RGL3: variants seen among roughly 807,000 people sequenced by gnomAD.
RGL3 encodes the protein ral guanine nucleotide dissociation stimulator-like 3.
Under a neutral mutation model 90.6 loss-of-function variants are expected in RGL3, and 85 were observed. The ratio of observed to expected loss-of-function variants is 0.94; its 90% CI spans 0.79 to 1.12. The LOEUF is 1.12. RGL3 is among the 50% of genes most tolerant of loss of function. The pLI is 0.00. For synonymous variants in RGL3, 408 were observed against 385.5 expected, an observed-to-expected ratio of 1.06 and a Z score of -0.68; for missense variants, 1,034 against 939.2, an observed-to-expected ratio of 1.10 and a Z score of -1.32.
At chr19:11,415,271 C>G (rs1968973458) in intron 5 of RGL3, among the ~76,000 whole-genome samples, 1 of 151,860 alleles carries the variant, frequency 6.6e-6, no homozygotes, top group East Asian at 1.9e-4. Context: ...GGGAGGATCA[C>G]CTGAGTCCAG....
intron 5 of RGL3, 85 bp downstream of exon 5, chr19:11,415,852 T>C (rs1460016163): frequency 6.5e-5 from 78 of 1,203,850 alleles, no homozygotes; most frequent in Non-Finnish European, 8.8e-5. Context: ...GTTTTGTAGC[T>C]CTGAGAGGGG....
chr19:11,397,749 C>G, intron 16 of RGL3, 152 bp from the exon 17 acceptor site: 1 of 790,890 alleles, frequency 1.3e-6, no homozygotes, highest in Middle Eastern at 4.0e-4. Flanking sequence ...TGGCTCATGC[C>G]TGTAATCTCA....
At position 11,394,454 on chromosome 19, in the gene RGL3, A is replaced by G. The variant is rs1968529830; in HGVS notation, c.2081T>C (p.Met694Thr). 6 of 1,614,034 alleles carry G rather than the reference A, an allele frequency of 3.7e-6. No individual in the cohort carries two copies. The highest frequency in any genetic ancestry group is 5.1e-6 in the Non-Finnish European group (6 of 1,180,002). ...CCGGGTCCCCTCTTTCCGCCGCAGC[A>G]TGAAGTCTCTGGGGGCGACTGGACT... Reference protein sequence around the residue: ...AMSPVAPRDFMLRRKEGTRNT... With the variant: ...AMSPVAPRDFTLRRKEGTRNT... Residue 694 changes from methionine to threonine, a missense_variant, in exon 19 of 19, where the codon ATG becomes ACG. Transcript: ENST00000380456.
At chr19:11,404,126 T>C (rs1968727996) in intron 9 of RGL3, among the ~76,000 whole-genome samples, 3 of 152,050 alleles carry the variant, frequency 2.0e-5, no homozygotes, top group African/African-American at 7.2e-5. Flanking sequence ...CAAGTGATCC[T>C]CTCACCTTGG....
At position 11,416,048 on chromosome 19, in the gene RGL3, C is replaced by A. The variant is rs1201999926; in HGVS notation, c.526G>T (p.Gly176Cys). ...SDLGSVRTFL[G>C]WAAPGSAEAQ... ...TCAGCACTCCCTGGGGCCGCCCAGC[C>A]CAGAAAGGTTCGGACACTGCCCAGG... Residue 176 changes from glycine (G) to cysteine (C), a missense_variant, in exon 5 of 19, where the codon GGC (glycine) becomes TGC (cysteine). By Grantham distance (159) the Gly-to-Cys change is radical (BLOSUM62 -3). Transcript: ENST00000380456. 1.2e-6 allele frequency: 2 copies of A among 1,613,664 alleles called. No homozygotes were observed. Among genetic ancestry groups the A allele is most frequent in the African/African-American group, 2.7e-5 (2 of 74,822 alleles).
At chr19:11,410,974 C>A (rs116147532) in intron 5 of RGL3, among the ~76,000 whole-genome samples, 1 of 151,820 alleles carries the variant, frequency 6.6e-6, no homozygotes, top group Non-Finnish European at 1.5e-5. Flanking sequence ...TTCGGGAGGC[C>A]GATGTGGGCA....
chr19:11,418,414 T>G (rs2144746281), intron 2 of RGL3: 1 of 549,716 alleles, frequency 1.8e-6, no homozygotes, highest in Non-Finnish European at 3.2e-6. Context: ...TGCCGTCCAG[T>G]TCTGTCCTTA....
chr19:11,400,731 T>A (rs1012031237), intron 13 of RGL3, among the ~76,000 whole-genome samples: 3 of 151,854 alleles, frequency 2.0e-5, no homozygotes, highest in African/African-American at 7.3e-5. Context: ...AGCTCGCGCC[T>A]GTAATTGCGG....
intron 5 of RGL3, 77 bp downstream of exon 5, chr19:11,415,860 G>C: frequency 7.9e-7 from 1 of 1,264,926 alleles, no homozygotes; most frequent in Admixed American, 2.3e-5. Flanking sequence ...GCTCTGAGAG[G>C]GGAGAGAAAG....
rs145019714 is a variant in RGL3 at position 11,411,707 on chromosome 19, G to A, written c.637+4230C>T. Among the ~76,000 whole-genome samples the A allele has an allele frequency of 2.0e-5, 3 of 152,230 alleles. No homozygotes were observed. The East Asian group carries it at 5.8e-4, about 29-fold the overall frequency. ...CATAATCACGGCTCACTGCAGCCTT[G>A]ACCATCCCAGGCTAAAATGATCCTC... On this transcript the variant is annotated intron_variant, in intron 5 of 18. Coordinates refer to ENST00000380456, the MANE Select transcript of RGL3 (RefSeq NM_001035223.4).
At chr19:11,403,640 CAAAAAAA>C (rs889376839) in intron 9 of RGL3, among the ~76,000 whole-genome samples, 2 of 49,414 alleles carry the variant, frequency 4.0e-5, no homozygotes, top group African/African-American at 7.0e-5. Flanking sequence ...AACTCCATCT[CAAAAAAA>C]AAAAAAAAAA....
At position 11,397,573 on chromosome 19, in the gene RGL3, T is replaced by A. The variant is rs763630083; in HGVS notation, c.1771A>T (p.Ser591Cys). The change falls in exon 17 of 19, where the codon AGC becomes TGC. Residue 591 changes from serine (S) to cysteine (C), a missense_variant. Coordinates refer to ENST00000380456, the MANE Select transcript of RGL3 (RefSeq NM_001035223.4). Reference sequence around the variant, plus strand: ...AGAGGCAAAGCGAAGGGCCGGGGGCTGGGCAGGTCCAGGCTCAGGGGCAGC... The same window carrying A: ...AGAGGCAAAGCGAAGGGCCGGGGGCAGGGCAGGTCCAGGCTCAGGGGCAGC... ...TKLPLSLDLP[S>C]PRPFALPLGS... The A allele has an allele frequency of 5.1e-6, 8 of 1,581,822 alleles. No individual in the cohort carries two copies. The highest frequency in any genetic ancestry group is 6.0e-6 in the Non-Finnish European group (7 of 1,163,020).
intron 2 of RGL3, among the ~76,000 whole-genome samples, chr19:11,417,928 G>A (rs780988921): frequency 2.0e-5 from 3 of 152,036 alleles, no homozygotes; most frequent in Non-Finnish European, 4.4e-5. Context: ...AGACTCAAGC[G>A]GTCCCTCTGC....
At position 11,416,557 on chromosome 19, in the gene RGL3, AC is replaced by A. The variant is rs1969001903; in HGVS notation, c.425+56del. 1.7e-5 allele frequency: 27 copies of A among 1,544,994 alleles called. No homozygotes were observed. In the South Asian group the frequency reaches 2.9e-4, roughly 17 times the overall value. ...TTTCAAAACCCCAGTCCGACTGCTAACCTTTGACCTCTTGGATTTCCCTCCC... is the reference window on the plus strand; with the variant it reads ...TTTCAAAACCCCAGTCCGACTGCTAACTTTGACCTCTTGGATTTCCCTCCC... On this transcript the variant is annotated intron_variant, in intron 4 of 18. Coordinates refer to ENST00000380456, the MANE Select transcript of RGL3 (RefSeq NM_001035223.4).
chr19:11,399,240 T>C (rs1568335482), intron 16 of RGL3, among the ~76,000 whole-genome samples: 2 of 152,122 alleles, frequency 1.3e-5, no homozygotes, highest in East Asian at 1.9e-4. Context: ...GTGTCTGCCA[T>C]GGTATGCAGA....
rs775421743 is a variant in RGL3 at position 11,402,041 on chromosome 19, T to C, written c.1454A>G (p.His485Arg). Residue 485 changes from histidine to arginine, a missense_variant, in exon 13 of 19, where the codon CAT becomes CGT. Coordinates refer to ENST00000380456, the MANE Select transcript of RGL3 (RefSeq NM_001035223.4). ...CTCCTCGGTGAGCTGGTTCTGGGCA[T>C]GCAGGGCAGCCAGGATGGGCGGGTG... is the stretch of plus-strand genomic sequence containing the variant. ...SPHPPILAAL[H>R]AQNQLTEEQS... The C allele has an allele frequency of 6.4e-7, 1 of 1,565,078 alleles. No homozygotes were observed. Among genetic ancestry groups the C allele is most frequent in the South Asian group, 1.2e-5 (1 of 81,930 alleles).
At chr19:11,402,626 C>A in intron 10 of RGL3, 24 bp downstream of exon 10, 1 of 1,613,734 alleles carries the variant, frequency 6.2e-7, no homozygotes, top group Non-Finnish European at 8.5e-7. Flanking sequence ...CCACTTGTCC[C>A]CATCCCAAAC....
intron 7 of RGL3, among the ~76,000 whole-genome samples, chr19:11,405,901 T>G (rs1968769466): frequency 6.6e-6 from 1 of 151,268 alleles, no homozygotes; most frequent in Non-Finnish European, 1.5e-5. Flanking sequence ...TTTAATTTTT[T>G]TTTTTTTTCT....
At chr19:11,408,203 C>A (rs1052647055) in intron 5 of RGL3, among the ~76,000 whole-genome samples, 1 of 152,210 alleles carries the variant, frequency 6.6e-6, no homozygotes, top group Non-Finnish European at 1.5e-5. Flanking sequence ...TGGGCTCAAG[C>A]GATCCTCCCT....
Sources: allele counts gnomAD v4.1 joint callset (sites outside exome capture counted in the v4.1 genomes callset), GRCh38; gene constraint gnomAD v4.1.1; transcripts MANE v1.5; gene names NCBI Gene and HGNC (gene_info 2026-07-23, HGNC 2026-07-21).